LHX4: variants seen among roughly 807,000 people sequenced by gnomAD.
LHX4 encodes LIM homeobox 4.
Under a neutral mutation model 39.2 loss-of-function variants are expected in LHX4, and 16 were observed. The observed-to-expected ratio is 0.41, with a 90% CI of 0.28 to 0.62. The LOEUF is 0.62. LHX4 is among the 20% of genes least tolerant of loss of function. The pLI, the probability that LHX4 is intolerant of heterozygous loss-of-function variation, is 0.33. For missense variants in LHX4, 439 were observed against 511.9 expected (o/e 0.86, Z 1.37); for synonymous variants, 206 against 198.1 (o/e 1.04, Z -0.33).
At position 180,271,932 on chromosome 1, in the gene LHX4, G is replaced by C. The variant is rs765008063; in HGVS notation, c.704G>C (p.Arg235Pro). The C allele has an allele frequency of 4.0e-5, 64 of 1,613,200 alleles. No homozygotes were observed. Among genetic ancestry groups the C allele is most frequent in the Non-Finnish European group, 5.3e-5 (63 of 1,179,912 alleles). ...TTCTATAAGAGCGTCAAGAGGAGCC[G>C]GGGCAGCAGCAAGCAGGAGAAGGAG... ...GQFYKSVKRS[R>P]GSSKQEKESS... is the part of the protein sequence containing the mutation. Residue 235 changes from arginine (R) to proline (P), a missense_variant, in exon 5 of 6, where the codon CGG becomes CCG. Transcript: ENST00000263726.
At chr1:180,256,871 G>A (rs1558216180) in intron 2 of LHX4, among the ~76,000 whole-genome samples, 1 of 152,232 alleles carries the variant, frequency 6.6e-6, no homozygotes, top group Non-Finnish European at 1.5e-5. Context: ...AGAGGAGGGA[G>A]GGTGACCTTG....
intron 1 of LHX4, among the ~76,000 whole-genome samples, chr1:180,233,457 A>G (rs1223725541): frequency 1.3e-5 from 2 of 152,102 alleles, no homozygotes; most frequent in Admixed American, 1.3e-4. Flanking sequence ...TCGAGATCCG[A>G]ATCCTCACAG....
rs1192352316 is a variant in LHX4, at chr1:180,234,879, A to G, written c.76+4274A>G. Among the ~76,000 whole-genome samples, 2 of 152,328 alleles carry G rather than the reference A, an allele frequency of 1.3e-5. No individual in the cohort carries two copies. The highest frequency in any genetic ancestry group is 2.1e-4 in the South Asian group (1 of 4,830). ...GGAGCGCGACCCACATGACCTCGCT[A>G]CGACCGGGGCAGGGCTCCTCCGCCC... On this transcript the variant is annotated intron_variant, in intron 1 of 5. Coordinates refer to ENST00000263726, the MANE Select transcript of LHX4 (RefSeq NM_033343.4). This position sits in a 1 kb window ranked among gnomAD's most constrained non-coding sequence, Gnocchi z 4.8.
chr1:180,234,178 T>C lies in LHX4; in HGVS notation c.76+3573T>C, dbSNP rs1221184770. 8.5e-5 allele frequency among the ~76,000 whole-genome samples: 2 copies of C among 23,548 alleles called. No individual in the cohort carries two copies. The highest frequency in any genetic ancestry group is 2.1e-3 in the South Asian group (1 of 480). The allele number at this position is 23,548 out of a possible 152,430, so 15.4% of individuals were successfully genotyped here. A position where few individuals can be genotyped will look rare whatever the true frequency, so the allele number is the denominator to read the frequency against. On this transcript the variant is annotated intron_variant, in intron 1 of 5. Transcript: ENST00000263726. The surrounding 1 kb of genome is among the most constrained non-coding windows in gnomAD (Gnocchi z 4.8). ...ACACAACACACACAAATTATATATATATATATATATATATATATATATATA... is the reference window on the plus strand; with the variant it reads ...ACACAACACACACAAATTATATATACATATATATATATATATATATATATA...
chr1:180,230,207 C>G (rs1402541400), upstream of LHX4: 3 of 426,924 alleles, frequency 7.0e-6, no homozygotes, highest in Admixed American at 7.9e-5. This position sits in a 1 kb window ranked among gnomAD's most constrained non-coding sequence, Gnocchi z 5.8. Context: ...GGCCGGCACG[C>G]GAAGGGTGGA....
intron 1 of LHX4, among the ~76,000 whole-genome samples, chr1:180,242,480 G>A (rs529369188): frequency 1.5e-4 from 23 of 152,162 alleles, no homozygotes; most frequent in Non-Finnish European, 2.4e-4. Flanking sequence ...TGGTGTGGGC[G>A]TGTATATATA....
chr1:180,255,139 G>A (rs1448458997), intron 2 of LHX4, among the ~76,000 whole-genome samples: 1 of 152,266 alleles, frequency 6.6e-6, no homozygotes, highest in African/African-American at 2.4e-5. Flanking sequence ...AGCCTGGTGG[G>A]AGGCGGCAGC....
chr1:180,237,136 C>G (rs1048492534), intron 1 of LHX4, among the ~76,000 whole-genome samples: 2 of 151,972 alleles, frequency 1.3e-5, no homozygotes, highest in Non-Finnish European at 2.9e-5. Flanking sequence ...TCTGTCTATC[C>G]CTTCCTTCCT....
intron 2 of LHX4, among the ~76,000 whole-genome samples, chr1:180,255,844 G>C (rs780477635): frequency 6.6e-6 from 1 of 152,232 alleles, no homozygotes; most frequent in Non-Finnish European, 1.5e-5. Context: ...GGGACTTTCT[G>C]GCTTAGAGGA....
At chr1:180,257,961 T>C (rs975571325) in intron 2 of LHX4, among the ~76,000 whole-genome samples, 2 of 152,242 alleles carry the variant, frequency 1.3e-5, no homozygotes, top group East Asian at 1.9e-4. Context: ...AGTGTCCTCA[T>C]GTCCAAATGA....
chr1:180,274,028 C>T, intron 5 of LHX4, 157 bp from the exon 6 acceptor site: 1 of 835,206 alleles, frequency 1.2e-6, no homozygotes, highest in African/African-American at 1.7e-5. Flanking sequence ...CTCTGGATAT[C>T]AGGCTGCCAT....
chr1:180,240,676 G>A (rs577686089), intron 1 of LHX4, among the ~76,000 whole-genome samples: 8 of 152,190 alleles, frequency 5.3e-5, no homozygotes, highest in Non-Finnish European at 1.0e-4. Context: ...ACGTGAGTGG[G>A]GAATACAAAT....
intron 1 of LHX4, among the ~76,000 whole-genome samples, chr1:180,238,132 T>C (rs1301679369): frequency 6.6e-6 from 1 of 152,248 alleles, no homozygotes; most frequent in African/African-American, 2.4e-5. Context: ...TGTTAAAATA[T>C]CCAAATTACA....
At chr1:180,235,925 G>C (rs1367509370) in intron 1 of LHX4, among the ~76,000 whole-genome samples, 1 of 152,168 alleles carries the variant, frequency 6.6e-6, no homozygotes, top group Non-Finnish European at 1.5e-5. Context: ...CTTTTAAAGA[G>C]ATCCGAAGGG....
At chr1:180,254,175 G>A (rs970322397) in intron 2 of LHX4, among the ~76,000 whole-genome samples, 4 of 152,300 alleles carry the variant, frequency 2.6e-5, no homozygotes, top group South Asian at 2.1e-4. Flanking sequence ...TGACTCTCGG[G>A]TGTTCTGAGG....
upstream of LHX4, among the ~76,000 whole-genome samples, chr1:180,229,938 G>GGGGGGAGGCGGA (rs1664126165): frequency 9.8e-6 from 1 of 101,956 alleles, no homozygotes; most frequent in African/African-American, 6.0e-5. Flanking sequence ...CGCCACGGCT[G>GGGGGGAGGCGGA]GGCGGAGGCG....
At position 180,274,385 on chromosome 1, in the gene LHX4, C is replaced by T; in HGVS notation, c.979C>T (p.Leu327Phe). The change falls in exon 6 of 6, where the codon CTC (leucine) becomes TTC (phenylalanine). Residue 327 changes from leucine to phenylalanine, a missense_variant. Transcript: ENST00000263726. ...GTCCCTGCCATCCCACGCTCCTTTG[C>T]TCAATGGGCTGGATTACACGGTGGA... ...ISSLPSHAPLLNGLDYTVDSN... is the reference protein window; with the variant it reads ...ISSLPSHAPLFNGLDYTVDSN... 6.2e-7 allele frequency: 1 copy of T among 1,614,212 alleles called. No individual in the cohort carries two copies. The highest frequency in any genetic ancestry group is 8.5e-7 in the Non-Finnish European group (1 of 1,180,030).
intron 2 of LHX4, among the ~76,000 whole-genome samples, chr1:180,250,044 G>A (rs750433974): frequency 5.9e-5 from 9 of 152,124 alleles, no homozygotes; most frequent in African/African-American, 9.7e-5. Flanking sequence ...ATGGGTGCCC[G>A]GCAAGTCCTT....
chr1:180,259,121 G>C (rs1292913042), intron 2 of LHX4, among the ~76,000 whole-genome samples: 2 of 151,958 alleles, frequency 1.3e-5, no homozygotes, highest in African/African-American at 4.8e-5. Flanking sequence ...AAGAGGTGTG[G>C]GAGGAGGAGG....
Sources: gnomAD v4.1 joint callset for allele counts (sites outside exome capture counted in the v4.1 genomes callset) on GRCh38, gnomAD v4.1.1 for gene constraint, Gnocchi (gnomAD v3.1) non-coding constraint, MANE v1.5 for transcripts, NCBI Gene and HGNC (gene_info 2026-07-23, HGNC 2026-07-21) for gene names.